JMJD1C: variants seen among roughly 807,000 people sequenced by gnomAD.
JMJD1C encodes jumonji domain-containing protein 1C.
A neutral mutation model predicts 245.3 loss-of-function variants in JMJD1C; 31 were observed. That is an observed-to-expected ratio of 0.13 (90% CI 0.09 to 0.17). The LOEUF is 0.17. Among genes scored for constraint, JMJD1C ranks in the 10% least tolerant of loss-of-function variants. The pLI, the probability that JMJD1C is intolerant of heterozygous loss-of-function variation, is 1.00. For missense variants in JMJD1C, 2,691 were observed against 3,000.2 expected, an observed-to-expected ratio of 0.90 and a Z score of 2.41; for synonymous variants, 1,057 against 1,017.4, an observed-to-expected ratio of 1.04 and a Z score of -0.74.
At chr10:63,192,062 C>G (rs554157251) in intron 16 of JMJD1C, among the ~76,000 whole-genome samples, 3 of 149,910 alleles carry the variant, frequency 2.0e-5, no homozygotes, top group Non-Finnish European at 4.4e-5. Context: ...TTCTAGTGCT[C>G]TGGTGGCTAT....
chr10:63,264,707 G>A lies in JMJD1C; in HGVS notation c.391C>T (p.Leu131Phe), dbSNP rs778945763. Residue 131 changes from leucine to phenylalanine, a missense_variant, in exon 3 of 26, where the codon CTT (leucine) becomes TTT (phenylalanine). Leu to Phe is a conservative substitution (Grantham distance 22). Around this residue, in one of 9 missense-constraint regions of JMJD1C, gnomAD observed 172 missense variants for 240.8 expected, o/e 0.71. Coordinates refer to ENST00000399262, the MANE Select transcript of JMJD1C (RefSeq NM_032776.3). The stretch of plus-strand genomic sequence containing the variant: ...AAAAAATCCAGTTGCTTATCTACAA[G>A]GAATTCTACTGCAGTGACTGAACTG... ...IPSSVTAVEF[L>F]VDKQLDFLTE... 1 of 1,600,222 alleles carries A rather than the reference G, an allele frequency of 6.2e-7. No homozygotes were observed. The highest frequency in any genetic ancestry group is 8.5e-7 in the Non-Finnish European group (1 of 1,173,168).
intron 1 of JMJD1C, among the ~76,000 whole-genome samples, chr10:63,408,034 C>T (rs184621603): frequency 1.3e-4 from 20 of 152,166 alleles, no homozygotes; most frequent in Admixed American, 6.5e-4. Context: ...ATCTTAGAAA[C>T]AATTCAGAAA....
intron 2 of JMJD1C, among the ~76,000 whole-genome samples, chr10:63,279,921 T>C (rs188732248): frequency 5.3e-4 from 81 of 152,140 alleles, no homozygotes; most frequent in African/African-American, 1.9e-3. Flanking sequence ...GAGGCCGAAG[T>C]GGGTGATCAC....
At chr10:63,445,602 TTTATTC>T (rs1951666761) in intron 1 of JMJD1C, among the ~76,000 whole-genome samples, 1 of 152,204 alleles carries the variant, frequency 6.6e-6, no homozygotes, top group Non-Finnish European at 1.5e-5. Context: ...GCCTTCATCT[TTTATTC>T]TTAATCAGTT....
chr10:63,252,716 T>C (rs1853260641), intron 3 of JMJD1C, among the ~76,000 whole-genome samples: 1 of 152,202 alleles, frequency 6.6e-6, no homozygotes, highest in South Asian at 2.1e-4. Flanking sequence ...ACCCTAGTCT[T>C]CTGAGAAGTA....
chr10:63,214,603 C>T lies in JMJD1C; in HGVS notation c.1564G>A (p.Ala522Thr), dbSNP rs1304905784. 3.7e-6 allele frequency: 6 copies of T among 1,613,950 alleles called. No homozygotes were observed. Among genetic ancestry groups the T allele is most frequent in the Non-Finnish European group, 4.2e-6 (5 of 1,179,988 alleles). ...ITNDTNLEKV[A>T]QENSSTFGLQ... ...CCAAAGGTACTTGAGTTTTCCTGAG[C>T]CACCTTTTCTAAATTAGTGTCATTT... Residue 522 changes from alanine to threonine, a missense_variant, in exon 8 of 26, where the codon GCT (alanine) becomes ACT (threonine). Physicochemically the swap from Ala to Thr is moderately conservative, Grantham distance 58. Transcript: ENST00000399262.
At chr10:63,176,000 C>A (rs914795407) in intron 24 of JMJD1C, among the ~76,000 whole-genome samples, 3 of 152,210 alleles carry the variant, frequency 2.0e-5, no homozygotes, top group African/African-American at 7.2e-5. Flanking sequence ...GCTTTTAAGC[C>A]TCACTATTCA....
chr10:63,179,366 G>A (rs373141940), intron 22 of JMJD1C, among the ~76,000 whole-genome samples: 79 of 151,158 alleles, frequency 5.2e-4, no homozygotes, highest in South Asian at 2.3e-3. Context: ...CCAAGATCAC[G>A]CCATTGCACT....
intron 2 of JMJD1C, among the ~76,000 whole-genome samples, chr10:63,365,475 GAT>G: frequency 6.6e-6 from 1 of 152,124 alleles, no homozygotes; most frequent in Admixed American, 6.6e-5. Flanking sequence ...TTCTCAGTAA[GAT>G]TCAGTAATTC....
chr10:63,364,320 A>G (rs10822162), intron 2 of JMJD1C, among the ~76,000 whole-genome samples: 101,878 of 152,148 alleles, frequency 0.67, 36,531 homozygotes, highest in Non-Finnish European at 0.81. Context: ...CCTAGTGCTG[A>G]GATTACAGGC....
chr10:63,258,474 C>T (rs1854265525), intron 3 of JMJD1C, among the ~76,000 whole-genome samples: 1 of 152,182 alleles, frequency 6.6e-6, no homozygotes, highest in Non-Finnish European at 1.5e-5. Context: ...TTGTCTGACC[C>T]CACACCATGT....
intron 1 of JMJD1C, among the ~76,000 whole-genome samples, chr10:63,396,966 G>A (rs1447194701): frequency 7.0e-6 from 1 of 142,684 alleles, no homozygotes; most frequent in Non-Finnish European, 1.5e-5. Context: ...TCTCACTCTC[G>A]TTGTCTAAGC....
Position 63,207,402 on chromosome 10 carries a change from T to C in JMJD1C, c.4267A>G (p.Thr1423Ala). 6.2e-7 allele frequency: 1 copy of C among 1,614,134 alleles called. No homozygotes were observed. Among genetic ancestry groups the C allele is most frequent in the South Asian group, 1.1e-5 (1 of 91,084 alleles). ...GSEVISSLSN[T>A]ILASTSSECV... ...TCTGATGATGTAGAGGCCAAAATGG[T>C]ATTTGATAAAGAGGAAATTACTTCT... Residue 1423 changes from threonine to alanine, a missense_variant, in exon 10 of 26, where the codon ACC (threonine) becomes GCC (alanine). By Grantham distance (58) the Thr-to-Ala change is moderately conservative. Transcript: ENST00000399262.
intron 1 of JMJD1C, among the ~76,000 whole-genome samples, chr10:63,401,192 AT>A (rs201769773): frequency 1.5e-3 from 231 of 151,748 alleles, no homozygotes; most frequent in African/African-American, 5.2e-3. Context: ...CTTCAGGTCA[AT>A]TTTTTTTTAA....
chr10:63,280,441 T>C (rs1236021238), intron 2 of JMJD1C, among the ~76,000 whole-genome samples: 7 of 151,916 alleles, frequency 4.6e-5, no homozygotes, highest in Non-Finnish European at 1.0e-4. Context: ...TCCCAGTTAC[T>C]CGGGAGGCTG....
At chr10:63,190,111 G>A (rs1844597941) in intron 17 of JMJD1C, among the ~76,000 whole-genome samples, 1 of 151,898 alleles carries the variant, frequency 6.6e-6, no homozygotes, top group African/African-American at 2.4e-5. Context: ...TTGTTGGCCA[G>A]GCTGGTCCCG....
intron 3 of JMJD1C, among the ~76,000 whole-genome samples, chr10:63,226,492 C>A (rs1849293927): frequency 6.6e-6 from 1 of 151,624 alleles, no homozygotes; most frequent in African/African-American, 2.4e-5. Flanking sequence ...GTGGGAGGAT[C>A]CCTTGAGTCC....
chr10:63,263,833 G>A (rs146790681), intron 3 of JMJD1C, among the ~76,000 whole-genome samples: 1,992 of 151,700 alleles, frequency 0.013, 29 homozygotes, highest in African/African-American at 0.034. Context: ...TCTGGAGGCT[G>A]AGGCAGGAGC....
intron 19 of JMJD1C, 93 bp downstream of exon 19, chr10:63,186,122 G>C: frequency 2.0e-6 from 2 of 979,222 alleles, no homozygotes; most frequent in South Asian, 1.5e-5. Context: ...TAAAACAGAT[G>C]TTTCAAAGAC....
Sources: gnomAD v4.1 joint callset for allele counts (sites outside exome capture counted in the v4.1 genomes callset) on GRCh38, gnomAD v4.1.1 for gene constraint, gnomAD v4.1.1 regional missense constraint, MANE v1.5 for transcripts, NCBI Gene and HGNC (gene_info 2026-07-23, HGNC 2026-07-21) for gene names.